PRKG1: variants seen among roughly 807,000 people sequenced by gnomAD.
PRKG1 encodes the protein protein kinase cGMP-dependent 1, also known as cGMP-dependent protein kinase 1.
In PRKG1, 35 loss-of-function variants were observed where a neutral mutation model predicts 88.1. The ratio of observed to expected loss-of-function variants is 0.40; its 90% CI spans 0.30 to 0.53. The LOEUF (loss-of-function observed/expected upper bound fraction) is 0.53, where lower values mean the gene tolerates loss of function less well. PRKG1 is among the 20% of genes least tolerant of loss of function. The pLI is 0.59. For missense variants in PRKG1, 540 were observed against 839.8 expected, an observed-to-expected ratio of 0.64 and a Z score of 4.41; for synonymous variants, 303 against 292.5, an observed-to-expected ratio of 1.04 and a Z score of -0.37.
At chr10:51,050,687 C>A (rs1843549688) in intron 1 of PRKG1, among the ~76,000 whole-genome samples, 1 of 152,134 alleles carries the variant, frequency 6.6e-6, no homozygotes, top group Non-Finnish European at 1.5e-5. Context: ...GAAGGTGAGA[C>A]TGCTGTATCA....
intron 1 of PRKG1, among the ~76,000 whole-genome samples, chr10:51,045,606 C>T (rs1210490028): frequency 3.3e-5 from 5 of 152,118 alleles, no homozygotes; most frequent in Admixed American, 6.5e-5. Flanking sequence ...TAAATCTTAC[C>T]ATTGCAAAGG....
chr10:51,015,864 G>T (rs1843051413), intron 1 of PRKG1, among the ~76,000 whole-genome samples: 1 of 152,082 alleles, frequency 6.6e-6, no homozygotes, highest in Non-Finnish European at 1.5e-5. Context: ...TTCAGCCTGG[G>T]TGACAAGAGT....
In PRKG1 at chr10:51,707,396, A is replaced by G. The variant is rs532244134; in HGVS notation, c.593-97189A>G. Among the ~76,000 whole-genome samples, 25 of 152,302 alleles carry G rather than the reference A, an allele frequency of 1.6e-4. No homozygotes were observed. The South Asian group carries it at 4.4e-3, about 27-fold the overall frequency. On this transcript the variant is annotated intron_variant, in intron 3 of 17. Coordinates refer to ENST00000373980, the MANE Select transcript of PRKG1 (RefSeq NM_006258.4). ...TTAGGACTACTACTTTTAAGTGTGC[A>G]CTGGCAGACGTAGGCCATTTATTCA...
chr10:51,585,100 A>T (rs1410880862), intron 3 of PRKG1, among the ~76,000 whole-genome samples: 1 of 152,070 alleles, frequency 6.6e-6, no homozygotes, highest in Non-Finnish European at 1.5e-5. Flanking sequence ...AGAAATTCAT[A>T]AACTTAACAT....
At chr10:52,164,051 A>C (rs1358418474) in intron 9 of PRKG1, among the ~76,000 whole-genome samples, 1 of 152,144 alleles carries the variant, frequency 6.6e-6, no homozygotes, top group Non-Finnish European at 1.5e-5. Flanking sequence ...AATACTTTGT[A>C]AATTATAAAG....
At chr10:51,742,825 C>T (rs970774726) in intron 3 of PRKG1, among the ~76,000 whole-genome samples, 1 of 152,018 alleles carries the variant, frequency 6.6e-6, no homozygotes, top group Non-Finnish European at 1.5e-5. Flanking sequence ...AGGAAAAAAG[C>T]ACAGAATGAG....
chr10:51,178,241 A>G (rs761349661), intron 2 of PRKG1, among the ~76,000 whole-genome samples: 1 of 151,972 alleles, frequency 6.6e-6, no homozygotes, highest in South Asian at 2.1e-4. Flanking sequence ...ATTATCATAC[A>G]TATGTATTAT....
At chr10:51,374,453 G>A (rs1171101555) in intron 2 of PRKG1, among the ~76,000 whole-genome samples, 2 of 152,120 alleles carry the variant, frequency 1.3e-5, no homozygotes, top group African/African-American at 2.4e-5. Flanking sequence ...GTTAACGCAG[G>A]TGTTTCTAAT....
intron 4 of PRKG1, among the ~76,000 whole-genome samples, chr10:51,853,732 A>G (rs528219911): frequency 3.5e-4 from 54 of 152,238 alleles, no homozygotes; most frequent in Admixed American, 2.0e-3. Flanking sequence ...GGCATCATAT[A>G]TATTTATTAC....
intron 5 of PRKG1, among the ~76,000 whole-genome samples, chr10:52,023,798 G>A (rs1326241182): frequency 2.0e-5 from 3 of 152,154 alleles, no homozygotes; most frequent in East Asian, 3.8e-4. Flanking sequence ...GTTCTTTGTA[G>A]ATTCTGGATA....
At chr10:52,137,399 A>G (rs959766512) in intron 8 of PRKG1, among the ~76,000 whole-genome samples, 6 of 152,132 alleles carry the variant, frequency 3.9e-5, no homozygotes, top group African/African-American at 1.2e-4. Context: ...CCATCCATTA[A>G]TAAATTTCTT....
At chr10:52,239,598 A>T (rs2463879) in intron 9 of PRKG1, among the ~76,000 whole-genome samples, 131,685 of 146,958 alleles carry the variant, frequency 0.9, 59,458 homozygotes, top group East Asian at 1. Flanking sequence ...CATTTTACTC[A>T]ATTATTTACC....
At chr10:51,700,297 T>C (rs1345907794) in intron 3 of PRKG1, among the ~76,000 whole-genome samples, 3 of 152,230 alleles carry the variant, frequency 2.0e-5, no homozygotes, top group African/African-American at 7.2e-5. Flanking sequence ...CGGGCAGCCG[T>C]CGTGCTATTC....
chr10:51,807,512 C>A (rs1839338086), intron 4 of PRKG1, among the ~76,000 whole-genome samples: 1 of 152,102 alleles, frequency 6.6e-6, no homozygotes, highest in Non-Finnish European at 1.5e-5. Context: ...TGAATGAAGT[C>A]CTGACAATAC....
At chr10:51,583,935 AGGCTTTGC>A in intron 3 of PRKG1, among the ~76,000 whole-genome samples, 1 of 152,192 alleles carries the variant, frequency 6.6e-6, no homozygotes, top group African/African-American at 2.4e-5. Context: ...TGTTGAGCTA[AGGCTTTGC>A]AAATCTTTCG....
At chr10:52,115,833 G>A (rs540256664) in intron 7 of PRKG1, among the ~76,000 whole-genome samples, 2 of 152,010 alleles carry the variant, frequency 1.3e-5, no homozygotes, top group East Asian at 1.9e-4. Context: ...TTTATTTTTG[G>A]GTTTCCTGGT....
intron 1 of PRKG1, among the ~76,000 whole-genome samples, chr10:51,121,312 A>C (rs1282797865): frequency 3.3e-5 from 5 of 152,202 alleles, no homozygotes; most frequent in Non-Finnish European, 7.3e-5. Context: ...TTCTGCAGGC[A>C]TGCAGAGTTT....
chr10:52,248,188 C>T (rs760916423), intron 9 of PRKG1, among the ~76,000 whole-genome samples: 1 of 152,206 alleles, frequency 6.6e-6, no homozygotes, highest in African/African-American at 2.4e-5. Flanking sequence ...AACCCACAAC[C>T]TTCCAGTGCG....
At chr10:51,956,363 GTA>G (rs1219835837) in intron 5 of PRKG1, among the ~76,000 whole-genome samples, 1 of 151,500 alleles carries the variant, frequency 6.6e-6, no homozygotes, top group Non-Finnish European at 1.5e-5. Flanking sequence ...TATTAATAAA[GTA>G]TACATTATTA....
Sources: allele counts gnomAD v4.1 joint callset (sites outside exome capture counted in the v4.1 genomes callset), GRCh38; gene constraint gnomAD v4.1.1; transcripts MANE v1.5; gene names NCBI Gene and HGNC (gene_info 2026-07-23, HGNC 2026-07-21).